DOCK4: variants seen among roughly 807,000 people sequenced by gnomAD.
The protein encoded by DOCK4 is dedicator of cytokinesis protein 4.
DOCK4 carries 97 observed loss-of-function variants against 268.1 expected under a neutral mutation model. The observed-to-expected ratio is 0.36, with a 90% confidence interval of 0.31 to 0.43. DOCK4 has a LOEUF of 0.43. DOCK4 is among the 20% of genes least tolerant of loss of function. The pLI is 1.00. For missense variants in DOCK4, 2,145 were observed against 2,455.7 expected, an observed-to-expected ratio of 0.87 and a Z score of 2.67; for synonymous variants, 954 against 887.2, an observed-to-expected ratio of 1.08 and a Z score of -1.34.
At chr7:112,105,215 T>C (rs1388708360) in intron 1 of DOCK4, among the ~76,000 whole-genome samples, 1 of 152,234 alleles carries the variant, frequency 6.6e-6, no homozygotes, top group East Asian at 1.9e-4. Flanking sequence ...TTCTCTTATT[T>C]ATCTGCCTTT....
chr7:111,731,583 T>C (rs1795087143), intron 52 of DOCK4, among the ~76,000 whole-genome samples: 1 of 152,202 alleles, frequency 6.6e-6, no homozygotes, highest in Non-Finnish European at 1.5e-5. Context: ...TGAGGGATTT[T>C]TTATGTTTAA....
At chr7:112,195,492 T>C (rs1207628092) in intron 1 of DOCK4, among the ~76,000 whole-genome samples, 1 of 152,186 alleles carries the variant, frequency 6.6e-6, no homozygotes, top group Non-Finnish European at 1.5e-5. Context: ...GAGCCTGTTA[T>C]CAAGGCAGCT....
intron 1 of DOCK4, among the ~76,000 whole-genome samples, chr7:112,051,090 C>G (rs1316458019): frequency 6.6e-6 from 1 of 151,848 alleles, no homozygotes; most frequent in East Asian, 1.9e-4. Flanking sequence ...CTATATAATA[C>G]CACTGTACTA....
intron 16 of DOCK4, among the ~76,000 whole-genome samples, chr7:111,878,622 G>C (rs995812606): frequency 6.6e-6 from 1 of 152,156 alleles, no homozygotes; most frequent in Non-Finnish European, 1.5e-5. Context: ...TCCCCCGGCA[G>C]TAGCTATGCA....
chr7:111,883,047 T>C (rs1807544492), intron 16 of DOCK4, among the ~76,000 whole-genome samples: 1 of 152,146 alleles, frequency 6.6e-6, no homozygotes, highest in Non-Finnish European at 1.5e-5. Context: ...CCTCTATACT[T>C]CTCTTTTAAT....
intron 1 of DOCK4, among the ~76,000 whole-genome samples, chr7:112,150,051 C>T (rs1815910641): frequency 6.6e-6 from 1 of 152,124 alleles, no homozygotes; most frequent in African/African-American, 2.4e-5. Flanking sequence ...TATTGTCCAC[C>T]ATTTTAGAAA....
intron 12 of DOCK4, among the ~76,000 whole-genome samples, chr7:111,927,342 A>G (rs375731866): frequency 6.6e-6 from 1 of 152,254 alleles, no homozygotes; most frequent in African/African-American, 2.4e-5. Flanking sequence ...TATAAAGAAC[A>G]TAAGATTGAA....
intron 1 of DOCK4, among the ~76,000 whole-genome samples, chr7:112,171,270 TA>T (rs1818057167): frequency 6.6e-6 from 1 of 152,152 alleles, no homozygotes; most frequent in Admixed American, 6.5e-5. Context: ...CATAAAGAAA[TA>T]ACTAATGAAT....
At chr7:112,117,298 T>C (rs555979787) in intron 1 of DOCK4, among the ~76,000 whole-genome samples, 1 of 152,380 alleles carries the variant, frequency 6.6e-6, no homozygotes, top group East Asian at 1.9e-4. Flanking sequence ...GTAGTATTTG[T>C]GTATTTCATA....
Position 111,984,394 on chromosome 7 carries a change from GA to G in DOCK4, c.465-5del. 7 of 1,610,286 alleles carry G rather than the reference GA, an allele frequency of 4.3e-6. No homozygotes were observed. The highest frequency in any genetic ancestry group is 1.7e-5 in the Admixed American group (1 of 59,270). The stretch of plus-strand genomic sequence containing the variant: ...CACCAGGTCCAGTCCCAGTTGTCTA[GA>G]AAACAAATTGCAAAAGTTTGGGGGA... On this transcript the variant is annotated splice_polypyrimidine_tract_variant and splice_region_variant and intron_variant, in intron 6 of 52. Transcript: ENST00000428084.
At chr7:112,168,167 C>CTTTA (rs1275413807) in intron 1 of DOCK4, among the ~76,000 whole-genome samples, 2 of 152,120 alleles carry the variant, frequency 1.3e-5, no homozygotes, top group African/African-American at 4.8e-5. Flanking sequence ...TTTAAACTAC[C>CTTTA]TTTACATCAT....
intron 1 of DOCK4, among the ~76,000 whole-genome samples, chr7:112,032,373 C>G (rs1357572071): frequency 6.6e-6 from 1 of 152,134 alleles, no homozygotes; most frequent in African/African-American, 2.4e-5. Context: ...GCATGGCTAT[C>G]AACTACAAAT....
At chr7:111,968,421 A>G (rs1586525184) in intron 8 of DOCK4, among the ~76,000 whole-genome samples, 2 of 82,702 alleles carry the variant, frequency 2.4e-5, no homozygotes, top group South Asian at 9.0e-4. Flanking sequence ...ACACTTCTCA[A>G]AAGAAGACAT....
At chr7:111,939,136 A>T (rs903376453) in intron 11 of DOCK4, among the ~76,000 whole-genome samples, 1 of 152,106 alleles carries the variant, frequency 6.6e-6, no homozygotes, top group Non-Finnish European at 1.5e-5. Context: ...GGCACGGAGC[A>T]GATTGCCCTC....
At chr7:111,911,505 T>A (rs995019568) in intron 13 of DOCK4, among the ~76,000 whole-genome samples, 2 of 152,112 alleles carry the variant, frequency 1.3e-5, no homozygotes, top group Non-Finnish European at 2.9e-5. Flanking sequence ...GAAGTGCTTT[T>A]AAAAAAACCT....
chr7:112,042,402 G>A (rs1313342183), intron 1 of DOCK4, among the ~76,000 whole-genome samples: 1 of 152,130 alleles, frequency 6.6e-6, no homozygotes, highest in Non-Finnish European at 1.5e-5. Context: ...GTGTCTTGCA[G>A]ACATTGAGGA....
At position 112,141,750 on chromosome 7, in the gene DOCK4, G is replaced by A. The variant is rs59093898; in HGVS notation, c.37+64352C>T. ...GGGGGCCTGGCAGGTAATGTCACTG[G>A]TGCAAATGTCTGTTGGACAATAAAT... On this transcript the variant is annotated intron_variant, in intron 1 of 52. Transcript: ENST00000428084. 3.3e-3 allele frequency among the ~76,000 whole-genome samples: 504 copies of A among 152,250 alleles called. 4 individuals carry two copies. The highest frequency in any genetic ancestry group is 0.012 in the African/African-American group (482 of 41,528).
At chr7:111,731,460 T>A (rs919064711) in intron 52 of DOCK4, among the ~76,000 whole-genome samples, 5 of 152,154 alleles carry the variant, frequency 3.3e-5, no homozygotes, top group African/African-American at 1.2e-4. Flanking sequence ...TTCGACACAC[T>A]TCATATTTGC....
intron 16 of DOCK4, among the ~76,000 whole-genome samples, chr7:111,878,357 G>A (rs757036): frequency 0.47 from 70,732 of 151,972 alleles, 18,127 homozygotes; most frequent in African/African-American, 0.69. Flanking sequence ...GAAAATTGGT[G>A]GATTAAAAAT....
Sources: gnomAD v4.1 joint callset for allele counts (sites outside exome capture counted in the v4.1 genomes callset) on GRCh38, gnomAD v4.1.1 for gene constraint, MANE v1.5 for transcripts, NCBI Gene and HGNC (gene_info 2026-07-23, HGNC 2026-07-21) for gene names.